The following ADAM10 variants were observed in gnomAD, a reference collection of about 807,000 sequenced individuals.
The protein encoded by ADAM10 is disintegrin and metalloproteinase domain-containing protein 10.
Under a neutral mutation model 90.1 loss-of-function variants are expected in ADAM10, and 17 were observed. The observed-to-expected ratio is 0.19, with a 90% CI of 0.13 to 0.28. ADAM10 has a LOEUF of 0.28. Ranked by LOEUF, ADAM10 falls within the 10% of genes least tolerant of loss-of-function variation. The pLI, the probability that ADAM10 is intolerant of heterozygous loss-of-function variation, is 1.00. For missense variants in ADAM10, 610 were observed against 914.3 expected, an observed-to-expected ratio of 0.67 and a Z score of 4.29; for synonymous variants, 310 against 298.6, an observed-to-expected ratio of 1.04 and a Z score of -0.40.
At chr15:58,604,839 C>T (rs2140992165) in intron 14 of ADAM10, among the ~76,000 whole-genome samples, 1 of 152,290 alleles carries the variant, frequency 6.6e-6, no homozygotes, top group Admixed American at 6.5e-5. Context: ...CCTTGCCCTC[C>T]TGGGCTGTGG....
intron 2 of ADAM10, among the ~76,000 whole-genome samples, chr15:58,707,696 C>T (rs1286316933): frequency 7.9e-5 from 12 of 152,168 alleles, no homozygotes; most frequent in Admixed American, 2.0e-4. Context: ...GTTGATTTAT[C>T]TACTGAAAAG....
At chr15:58,694,279 C>T (rs781102333) in intron 2 of ADAM10, among the ~76,000 whole-genome samples, 7 of 152,120 alleles carry the variant, frequency 4.6e-5, no homozygotes, top group Middle Eastern at 3.2e-3. Flanking sequence ...TTTGAAACCC[C>T]GTCTGTACTA....
At chr15:58,688,518 C>A (rs1165934857) in intron 2 of ADAM10, among the ~76,000 whole-genome samples, 4 of 150,896 alleles carry the variant, frequency 2.7e-5, no homozygotes, top group Non-Finnish European at 5.9e-5. Context: ...GAAAATTAGT[C>A]CCCCCCAAAA....
rs1382258108 is a variant in ADAM10 at position 58,599,584 on chromosome 15, T to C, written c.2152+14A>G. On this transcript the variant is annotated intron_variant, in intron 15 of 15. Transcript: ENST00000260408. ...TGAGTTACATAAATATGTATCTTGCTCAAATATTCTTACCTGGAAGTGGTT... is the reference window on the plus strand; with the variant it reads ...TGAGTTACATAAATATGTATCTTGCCCAAATATTCTTACCTGGAAGTGGTT... 1 of 1,612,730 alleles carries C rather than the reference T, an allele frequency of 6.2e-7. No individual in the cohort carries two copies. The highest frequency in any genetic ancestry group is 8.5e-7 in the Non-Finnish European group (1 of 1,179,022).
At chr15:58,720,534 G>A (rs1898818500) in intron 1 of ADAM10, among the ~76,000 whole-genome samples, 1 of 151,750 alleles carries the variant, frequency 6.6e-6, no homozygotes, top group Non-Finnish European at 1.5e-5. Flanking sequence ...CCGAGTAACT[G>A]GAGACTACAG....
intron 1 of ADAM10, among the ~76,000 whole-genome samples, chr15:58,723,771 A>T (rs1158534198): frequency 6.6e-6 from 1 of 152,142 alleles, no homozygotes; most frequent in Non-Finnish European, 1.5e-5. Context: ...AACTGGGTAG[A>T]GAAGAGACAC....
chr15:58,649,967 T>A (rs2140703291), intron 5 of ADAM10, among the ~76,000 whole-genome samples: 1 of 152,290 alleles, frequency 6.6e-6, no homozygotes, highest in Middle Eastern at 3.4e-3. Context: ...TTTCTGTATT[T>A]TCCATCCTTT....
chr15:58,645,212 C>G (rs2140694204), intron 6 of ADAM10, among the ~76,000 whole-genome samples: 1 of 152,358 alleles, frequency 6.6e-6, no homozygotes, highest in South Asian at 2.1e-4. Flanking sequence ...AAATTCCTAA[C>G]TGCTCATAGG....
intron 1 of ADAM10, among the ~76,000 whole-genome samples, chr15:58,736,084 G>A (rs1400516066): frequency 7.2e-5 from 11 of 152,058 alleles, no homozygotes; most frequent in African/African-American, 2.7e-4. Context: ...CTATTTGATG[G>A]ATGATTAATT....
rs769523696 is a variant in ADAM10 at position 58,717,526 on chromosome 15, T to TA, written c.206+50dup. The TA allele has an allele frequency of 3.7e-6, 6 of 1,605,886 alleles. No homozygotes were observed. The Admixed American group carries it at 1.0e-4, about 27-fold the overall frequency. On this transcript the variant is annotated intron_variant, in intron 2 of 15. Transcript: ENST00000260408. ...AAGGATATAAATCTCCTCTTTAACT[T>TA]AGATTGAATATAGAGGAACTTCAGA...
At chr15:58,610,913 T>C in intron 13 of ADAM10, 86 bp downstream of exon 13, 1 of 1,022,816 alleles carries the variant, frequency 9.8e-7, no homozygotes, top group Non-Finnish European at 1.6e-6. Flanking sequence ...CTGGCCAAAC[T>C]GTAGGTCAAA....
At chr15:58,606,626 T>C (rs1895281757) in intron 14 of ADAM10, among the ~76,000 whole-genome samples, 1 of 152,218 alleles carries the variant, frequency 6.6e-6, no homozygotes, top group South Asian at 2.1e-4. Context: ...ATTTTCAACA[T>C]ATCAAGATGA....
intron 5 of ADAM10, among the ~76,000 whole-genome samples, chr15:58,648,038 C>T (rs539538305): frequency 3.9e-5 from 6 of 152,182 alleles, no homozygotes; most frequent in East Asian, 3.9e-4. Context: ...TGTGAACATA[C>T]ACAAAATGAA....
intron 1 of ADAM10, chr15:58,749,143 C>G (rs1257780229): frequency 2.5e-6 from 1 of 398,354 alleles, no homozygotes; most frequent in African/African-American, 2.1e-5. Context: ...TGGAGGGATG[C>G]AGCCACCAGC....
chr15:58,669,064 T>A (rs114820487), intron 4 of ADAM10, among the ~76,000 whole-genome samples: 3 of 152,226 alleles, frequency 2.0e-5, no homozygotes, highest in Non-Finnish European at 2.9e-5. Flanking sequence ...TATGTCAATG[T>A]TATTTTTAAC....
intron 6 of ADAM10, among the ~76,000 whole-genome samples, 168 bp from the exon 7 acceptor site, chr15:58,644,146 G>C (rs1476082950): frequency 1.3e-5 from 2 of 151,470 alleles, no homozygotes; most frequent in East Asian, 3.9e-4. Flanking sequence ...GAGCTGCGCT[G>C]GGAAGGGAGA....
intron 14 of ADAM10, among the ~76,000 whole-genome samples, chr15:58,603,262 G>C (rs754873069): frequency 6.6e-6 from 1 of 151,916 alleles, no homozygotes; most frequent in Non-Finnish European, 1.5e-5. Flanking sequence ...GCTACTTATC[G>C]CAAGACAGGG....
chr15:58,701,847 T>C (rs1258604086), intron 2 of ADAM10, among the ~76,000 whole-genome samples: 1 of 152,170 alleles, frequency 6.6e-6, no homozygotes, highest in Non-Finnish European at 1.5e-5. Context: ...GACTCACGCC[T>C]ATAATCCCAG....
At chr15:58,659,729 T>A (rs184896132) in intron 5 of ADAM10, among the ~76,000 whole-genome samples, 1 of 152,136 alleles carries the variant, frequency 6.6e-6, no homozygotes, top group African/African-American at 2.4e-5. Flanking sequence ...TGTTATGAAG[T>A]TTTCTCTTTC....
Sources: gnomAD v4.1 joint callset for allele counts (sites outside exome capture counted in the v4.1 genomes callset) on GRCh38, gnomAD v4.1.1 for gene constraint, MANE v1.5 for transcripts, NCBI Gene and HGNC (gene_info 2026-07-23, HGNC 2026-07-21) for gene names.